Variants in TRAP1 observed in about 807,000 individuals in gnomAD.
TRAP1 encodes heat shock protein 75 kDa, mitochondrial.
Under a neutral mutation model 89.1 loss-of-function variants are expected in TRAP1, and 102 were observed. The observed-to-expected ratio is 1.15, with a 90% CI of 0.98 to 1.35. TRAP1 has a LOEUF of 1.35. TRAP1 is among the 40% of genes most tolerant of loss of function. TRAP1 has a pLI of 0.00. For missense variants in TRAP1, 1,256 were observed against 945.3 expected, an observed-to-expected ratio of 1.33 and a Z score of -4.31; for synonymous variants, 508 against 388.0, an observed-to-expected ratio of 1.31 and a Z score of -3.64.
At chr16:3,706,454 CTCTT>C (rs1385995030) in intron 1 of TRAP1, among the ~76,000 whole-genome samples, 16 of 130,224 alleles carry the variant, frequency 1.2e-4, no homozygotes, top group Middle Eastern at 4.1e-3. Context: ...CCTATTTGCA[CTCTT>C]TTTTTTTTTT....
chr16:3,713,726 G>C (rs2051561910), intron 1 of TRAP1, among the ~76,000 whole-genome samples: 1 of 152,172 alleles, frequency 6.6e-6, no homozygotes, highest in African/African-American at 2.4e-5. Context: ...CGTTTGCTTT[G>C]GGAGACTGCG....
At chr16:3,667,170 AGAGCC>A (rs2050844987) in intron 11 of TRAP1, among the ~76,000 whole-genome samples, 1 of 152,132 alleles carries the variant, frequency 6.6e-6, no homozygotes, top group Non-Finnish European at 1.5e-5. Flanking sequence ...TATGGGTGTC[AGAGCC>A]CAAGAACCCC....
At chr16:3,708,181 A>C (rs1297972146) in intron 1 of TRAP1, among the ~76,000 whole-genome samples, 1 of 151,604 alleles carries the variant, frequency 6.6e-6, no homozygotes, top group Admixed American at 6.6e-5. Flanking sequence ...CCGGATGACA[A>C]AGCAAGACCC....
rs1596737108 is a variant in TRAP1, at chr16:3,694,006, A to C, written c.89-3021T>G. ...AGACAGCGAGACTCTGTCTCAAAAA[A>C]AAAAAAAAAAAGGTCCCAGGTTCTG... On this transcript the variant is annotated intron_variant, in intron 1 of 17. Transcript: ENST00000246957. 2.6e-5 allele frequency among the ~76,000 whole-genome samples: 4 copies of C among 151,794 alleles called. No homozygotes were observed. In the South Asian group the frequency reaches 8.3e-4, roughly 32 times the overall value.
intron 17 of TRAP1, 66 bp from the exon 18 acceptor site, chr16:3,658,296 A>C: frequency 8.2e-7 from 1 of 1,224,258 alleles, no homozygotes; most frequent in Non-Finnish European, 1.2e-6. Context: ...TTTTTTTTTG[A>C]GACAGAGTCT....
intron 15 of TRAP1, chr16:3,662,645 G>T (rs545298417): frequency 1.2e-5 from 8 of 678,372 alleles, no homozygotes; most frequent in East Asian, 1.1e-4. Flanking sequence ...TGGTTTTTCA[G>T]TTCTCAGTTC....
chr16:3,676,072 C>G lies in TRAP1; in HGVS notation c.778G>C (p.Asp260His). 6.2e-7 allele frequency: 1 copy of G among 1,613,902 alleles called. No individual in the cohort carries two copies. The highest frequency in any genetic ancestry group is 2.2e-5 in the East Asian group (1 of 44,844). Residue 260 changes from aspartate to histidine, a missense_variant, in exon 7 of 18, where the codon GAC (aspartate) becomes CAC (histidine). Coordinates refer to ENST00000246957, the MANE Select transcript of TRAP1 (RefSeq NM_016292.3). The part of the protein sequence containing the change: ...GTKIIIHLKS[D>H]CKEFSSEARV... ...GCCTCGCTGGAAAACTCCTTGCAGT[C>G]GGATTTCAGGTGGATGATGATTTTT...
At chr16:3,694,254 T>G (rs905917416) in intron 1 of TRAP1, among the ~76,000 whole-genome samples, 1 of 152,054 alleles carries the variant, frequency 6.6e-6, no homozygotes, top group Non-Finnish European at 1.5e-5. Context: ...CCCACCCCCA[T>G]GCAGTGTGAC....
chr16:3,658,956 A>C (rs1236451719), intron 16 of TRAP1, 91 bp from the exon 17 acceptor site: 1 of 1,315,282 alleles, frequency 7.6e-7, no homozygotes, highest in East Asian at 2.4e-5. Context: ...TATTTAAAGA[A>C]GCACAGTAAG....
At chr16:3,707,885 A>C (rs2051472158) in intron 1 of TRAP1, among the ~76,000 whole-genome samples, 4 of 149,308 alleles carry the variant, frequency 2.7e-5, no homozygotes, top group Admixed American at 2.0e-4. Flanking sequence ...AGACAAACAC[A>C]TTAAGAAAAA....
chr16:3,714,805 C>G (rs555967483), intron 1 of TRAP1, among the ~76,000 whole-genome samples: 1 of 152,108 alleles, frequency 6.6e-6, no homozygotes, highest in Non-Finnish European at 1.5e-5. Flanking sequence ...ACATAAGACA[C>G]GCACACCTGA....
Position 3,686,101 on chromosome 16 carries a change from A to G in TRAP1, c.366T>C (p.Asp122=). Residue 122 remains aspartate, a synonymous_variant, in exon 4 of 18, where the codon GAT becomes GAC. Transcript: ENST00000246957. ...FIRELISNAS[D]ALEKLRHKLV... is the part of the protein sequence containing the mutation. ...GTTTGTGACGCAGTTTTTCCAAGGC[A>G]TCGCTGGCATTGGAGATCAGCTCCC... 6.2e-7 allele frequency: 1 copy of G among 1,614,142 alleles called. No individual in the cohort carries two copies. The highest frequency in any genetic ancestry group is 8.5e-7 in the Non-Finnish European group (1 of 1,180,018).
chr16:3,663,687 TG>T, intron 13 of TRAP1, 125 bp from the exon 14 acceptor site: 1 of 1,265,232 alleles, frequency 7.9e-7, no homozygotes. Flanking sequence ...CCGGGGCAGT[TG>T]GGGTTCCTAG....
Position 3,663,050 on chromosome 16 carries a change from C to T in TRAP1, c.1709-83G>A, listed in dbSNP as rs1567221950. 2.9e-6 allele frequency: 3 copies of T among 1,021,886 alleles called. No homozygotes were observed. The East Asian group carries it at 7.8e-5, about 27-fold the overall frequency. The allele number at this position is 1,021,886 out of a possible 1,614,324, so 63.3% of individuals were successfully genotyped here. On this transcript the variant is annotated intron_variant, in intron 14 of 17. Coordinates refer to ENST00000246957, the MANE Select transcript of TRAP1 (RefSeq NM_016292.3). ...TGGGGGCCACGCAGCATGCTTCCAG[C>T]TCCCACCTCCTCTCCCACCAGGATG...
rs1008593294 is a variant in TRAP1 at position 3,677,580 on chromosome 16, C to G, written c.622G>C (p.Ala208Pro). 1.9e-6 allele frequency: 3 copies of G among 1,614,198 alleles called. No individual in the cohort carries two copies. The highest frequency in any genetic ancestry group is 1.6e-4 in the Middle Eastern group (1 of 6,062). Residue 208 changes from alanine (A) to proline (P), a missense_variant, in exon 6 of 18, where the codon GCT (alanine) becomes CCT (proline). Transcript: ENST00000246957. Reference sequence around the variant, plus strand: ...TCCACTCTGTCAGCCACCATGAAAGCTGAGTAGAAACCCACTCCAAACTGG... The same window carrying G: ...TCCACTCTGTCAGCCACCATGAAAGGTGAGTAGAAACCCACTCCAAACTGG... Reference protein sequence around the residue: ...IGQFGVGFYSAFMVADRVEVY... With the variant: ...IGQFGVGFYSPFMVADRVEVY...
intron 11 of TRAP1, among the ~76,000 whole-genome samples, chr16:3,668,101 G>C (rs1403417914): frequency 6.6e-6 from 1 of 151,970 alleles, no homozygotes; most frequent in Non-Finnish European, 1.5e-5. Context: ...CTAAAATTTT[G>C]TGTTTTTAGT....
intron 1 of TRAP1, among the ~76,000 whole-genome samples, chr16:3,713,341 A>C (rs956569017): frequency 1.3e-5 from 2 of 152,200 alleles, no homozygotes; most frequent in African/African-American, 2.4e-5. Context: ...CACCACCTAC[A>C]GGAGCGGGGT....
chr16:3,688,736 G>A (rs1006906529), intron 3 of TRAP1, among the ~76,000 whole-genome samples: 2 of 151,970 alleles, frequency 1.3e-5, no homozygotes, highest in Non-Finnish European at 2.9e-5. Flanking sequence ...CTCCTGCCTC[G>A]ACCTCCCAAA....
intron 16 of TRAP1, chr16:3,659,938 T>C (rs372176609): frequency 2.6e-5 from 4 of 152,196 alleles, no homozygotes; most frequent in South Asian, 4.2e-4. Flanking sequence ...TTAGTAGAGA[T>C]GAGGTCTCGA....
Sources: gnomAD v4.1 joint callset for allele counts (sites outside exome capture counted in the v4.1 genomes callset) on GRCh38, gnomAD v4.1.1 for gene constraint, MANE v1.5 for transcripts, NCBI Gene and HGNC (gene_info 2026-07-23, HGNC 2026-07-21) for gene names.